The following DENND1A variants were observed in gnomAD, a reference collection of about 807,000 sequenced individuals.
DENND1A encodes DENN domain containing 1A, also known as DENN domain-containing protein 1A.
DENND1A carries 51 observed loss-of-function variants against 113.7 expected under a neutral mutation model. The ratio of observed to expected loss-of-function variants is 0.45; its 90% CI spans 0.36 to 0.57. The LOEUF (loss-of-function observed/expected upper bound fraction) is 0.57, where lower values mean the gene tolerates loss of function less well. DENND1A is among the 20% of genes least tolerant of loss of function. DENND1A has a pLI of 0.00. For missense variants in DENND1A, 1,258 were observed against 1,395.9 expected, an observed-to-expected ratio of 0.90 and a Z score of 1.57; for synonymous variants, 565 against 570.8, an observed-to-expected ratio of 0.99 and a Z score of 0.14.
chr9:123,620,705 C>T (rs1303218159), intron 10 of DENND1A, among the ~76,000 whole-genome samples: 1 of 152,094 alleles, frequency 6.6e-6, no homozygotes, highest in Non-Finnish European at 1.5e-5. Flanking sequence ...TGTGCATTTC[C>T]TAATCATCAG....
intron 9 of DENND1A, among the ~76,000 whole-genome samples, chr9:123,637,659 G>C (rs2061774346): frequency 6.6e-6 from 1 of 152,114 alleles, no homozygotes; most frequent in Admixed American, 6.5e-5. Context: ...AACTATCAAA[G>C]ATACTCTAGC....
intron 2 of DENND1A, among the ~76,000 whole-genome samples, chr9:123,834,004 T>C (rs1840689411): frequency 6.6e-6 from 1 of 152,142 alleles, no homozygotes. Flanking sequence ...TGCAGGAAGC[T>C]GAGATCACGC....
chr9:123,695,727 A>C (rs887812819), intron 5 of DENND1A, among the ~76,000 whole-genome samples: 4 of 152,218 alleles, frequency 2.6e-5, no homozygotes, highest in African/African-American at 9.6e-5. Flanking sequence ...ATGCACAGGC[A>C]ACAACTCTCT....
intron 13 of DENND1A, among the ~76,000 whole-genome samples, chr9:123,535,687 C>T (rs2055702919): frequency 6.6e-6 from 1 of 152,222 alleles, no homozygotes; most frequent in African/African-American, 2.4e-5. Flanking sequence ...GGTGACTTCT[C>T]ATCACTCAGG....
At chr9:123,675,684 T>C (rs2064035806) in intron 6 of DENND1A, among the ~76,000 whole-genome samples, 1 of 152,178 alleles carries the variant, frequency 6.6e-6, no homozygotes, top group South Asian at 2.1e-4. Flanking sequence ...ATTAAAACAA[T>C]GAGACTTTTT....
intron 10 of DENND1A, among the ~76,000 whole-genome samples, chr9:123,612,306 C>A (rs1217820564): frequency 6.6e-6 from 1 of 152,192 alleles, no homozygotes; most frequent in African/African-American, 2.4e-5. Flanking sequence ...TAGGTACAGT[C>A]TGAAAACAAT....
chr9:123,715,924 C>A (rs191437466), intron 5 of DENND1A, among the ~76,000 whole-genome samples: 80 of 152,234 alleles, frequency 5.3e-4, no homozygotes, highest in Non-Finnish European at 1.0e-3. Context: ...GATCCCCCCA[C>A]CTCAGCCTCC....
intron 13 of DENND1A, among the ~76,000 whole-genome samples, chr9:123,542,025 C>A (rs2056326095): frequency 6.6e-6 from 1 of 152,110 alleles, no homozygotes; most frequent in Admixed American, 6.5e-5. Flanking sequence ...CTTTCCTCTA[C>A]CTGTGTGCCT....
chr9:123,877,660 TA>T (rs1386716342), intron 2 of DENND1A, among the ~76,000 whole-genome samples: 1 of 149,916 alleles, frequency 6.7e-6, no homozygotes, highest in African/African-American at 2.5e-5. Context: ...CTGTCTTTAC[TA>T]AAAATATAAA....
rs374889065 is a variant in DENND1A at position 123,741,486 on chromosome 9, G to A, written c.302+16217C>T. The stretch of plus-strand genomic sequence containing the variant: ...CAAAATTTCAGGTATTTCAGACAAT[G>A]TAGTCTTTTGGATTAAAGACAAGAA... On this transcript the variant is annotated intron_variant, in intron 5 of 23. Coordinates refer to ENST00000394215, the MANE Select transcript of DENND1A (RefSeq NM_001352964.2). Among the ~76,000 whole-genome samples, 3 of 152,160 alleles carry A rather than the reference G, an allele frequency of 2.0e-5. No individual in the cohort carries two copies. In the East Asian group the frequency reaches 5.8e-4, roughly 29 times the overall value.
At chr9:123,455,416 G>C (rs1358751271) in intron 15 of DENND1A, among the ~76,000 whole-genome samples, 1 of 152,214 alleles carries the variant, frequency 6.6e-6, no homozygotes, top group Non-Finnish European at 1.5e-5. Context: ...GGGACCACGG[G>C]GTCCATAAAC....
At chr9:123,703,138 C>T (rs2140720548) in intron 5 of DENND1A, among the ~76,000 whole-genome samples, 1 of 152,232 alleles carries the variant, frequency 6.6e-6, no homozygotes, top group South Asian at 2.1e-4. Flanking sequence ...CACACCACCA[C>T]ACATGGCTAA....
intron 5 of DENND1A, among the ~76,000 whole-genome samples, chr9:123,722,008 G>A (rs2067376808): frequency 1.3e-5 from 2 of 152,192 alleles, no homozygotes; most frequent in African/African-American, 2.4e-5. Context: ...GGAAAATGTG[G>A]AAAAGTTTGG....
At chr9:123,671,513 G>A (rs1407018826) in intron 6 of DENND1A, 142 bp from the exon 7 acceptor site, 2 of 763,618 alleles carry the variant, frequency 2.6e-6, no homozygotes, top group African/African-American at 1.8e-5. Context: ...ATTCATGTAG[G>A]GTTTGACAAA....
Position 123,848,887 on chromosome 9 carries a change from A to T in DENND1A, c.88+30064T>A, listed in dbSNP as rs1008519189. On this transcript the variant is annotated intron_variant, in intron 2 of 23. Transcript: ENST00000394215. ...CAACATTCCCTTACACAAAAGCCTGATCCACATCAAGGCCCTGACTCTCTT... is the reference window on the plus strand; with the variant it reads ...CAACATTCCCTTACACAAAAGCCTGTTCCACATCAAGGCCCTGACTCTCTT... 5.9e-5 allele frequency among the ~76,000 whole-genome samples: 9 copies of T among 152,230 alleles called. 1 individual carries two copies. Among genetic ancestry groups the T allele is most frequent in the Non-Finnish European group, 1.5e-5 (1 of 68,046 alleles).
intron 2 of DENND1A, among the ~76,000 whole-genome samples, chr9:123,802,008 G>A (rs183652429): frequency 1.3e-5 from 2 of 152,174 alleles, no homozygotes; most frequent in East Asian, 3.9e-4. Context: ...AAAAGACAAA[G>A]AACTATGTCT....
intron 13 of DENND1A, among the ~76,000 whole-genome samples, chr9:123,459,701 C>T (rs901725153): frequency 1.3e-5 from 2 of 152,012 alleles, no homozygotes; most frequent in Admixed American, 6.6e-5. Flanking sequence ...GGTAACACCC[C>T]ACCCCCCAGC....
intron 19 of DENND1A, among the ~76,000 whole-genome samples, chr9:123,434,737 G>T (rs1050740284): frequency 2.0e-5 from 3 of 152,186 alleles, no homozygotes; most frequent in Non-Finnish European, 4.4e-5. Flanking sequence ...GGACAGGCAG[G>T]TCACAAAGGG....
intron 13 of DENND1A, among the ~76,000 whole-genome samples, chr9:123,474,558 A>T (rs1458967755): frequency 6.6e-6 from 1 of 152,214 alleles, no homozygotes; most frequent in Non-Finnish European, 1.5e-5. Flanking sequence ...TGTTACCCAC[A>T]TGTATGGCAA....
Sources: allele counts gnomAD v4.1 joint callset (sites outside exome capture counted in the v4.1 genomes callset), GRCh38; gene constraint gnomAD v4.1.1; transcripts MANE v1.5; gene names NCBI Gene and HGNC (gene_info 2026-07-23, HGNC 2026-07-21).